TRMO: variants seen among roughly 807,000 people sequenced by gnomAD.
TRMO encodes tRNA (adenine(37)-N6)-methyltransferase.
Under a neutral mutation model 37.2 loss-of-function variants are expected in TRMO, and 30 were observed. The observed-to-expected ratio is 0.81, with a 90% CI of 0.60 to 1.09. The LOEUF (loss-of-function observed/expected upper bound fraction) is 1.09. TRMO is among the 50% of genes least tolerant of loss of function. The pLI is 0.00. For synonymous variants in TRMO, 239 were observed against 199.4 expected (o/e 1.20, Z -1.67); for missense variants, 552 against 549.5 (o/e 1.00, Z -0.05).
chr9:97,906,816 T>G (rs1183451801), intron 4 of TRMO, among the ~76,000 whole-genome samples: 1 of 136,988 alleles, frequency 7.3e-6, no homozygotes, highest in African/African-American at 2.8e-5. Flanking sequence ...CACTCCAGCC[T>G]GGGTGACAGA....
rs186572958 is a variant in TRMO, at chr9:97,916,150, A to G, written c.251+14T>C. Reference sequence around the variant, plus strand: ...CTGGCCCAAAATCCTACATCTAACTATAAAGCAACTTACCAAACATGAGAA... The same window carrying G: ...CTGGCCCAAAATCCTACATCTAACTGTAAAGCAACTTACCAAACATGAGAA... On this transcript the variant is annotated intron_variant, in intron 2 of 4. Coordinates refer to ENST00000375119, the MANE Select transcript of TRMO (RefSeq NM_016481.5). The G allele has an allele frequency of 4.4e-5, 70 of 1,576,476 alleles. No homozygotes were observed. In the East Asian group the frequency reaches 1.6e-3, roughly 36 times the overall value.
chr9:97,901,780 GATAA>G (rs1195104812), downstream of TRMO, among the ~76,000 whole-genome samples: 8 of 151,850 alleles, frequency 5.3e-5, no homozygotes, highest in East Asian at 5.8e-4. Context: ...AGCTTGGATG[GATAA>G]ATAAAGTTTC....
chr9:97,921,287 G>A (rs567155191), intron 1 of TRMO, among the ~76,000 whole-genome samples: 2 of 152,238 alleles, frequency 1.3e-5, no homozygotes, highest in Non-Finnish European at 2.9e-5. Context: ...TGGTTGCAGT[G>A]GCTCATGCCT....
chr9:97,917,242 G>A (rs182436780), intron 1 of TRMO, among the ~76,000 whole-genome samples: 7 of 152,324 alleles, frequency 4.6e-5, no homozygotes, highest in African/African-American at 1.7e-4. Flanking sequence ...GTATACATAA[G>A]TAAGGATATC....
intron 3 of TRMO, chr9:97,912,203 A>T (rs1307337135): frequency 2.0e-5 from 3 of 152,258 alleles, no homozygotes; most frequent in African/African-American, 4.8e-5. Context: ...AGCACTGCAC[A>T]AACACTAGTT....
At chr9:97,900,578 G>C (rs948115033), downstream of TRMO, 1 of 153,696 alleles carries the variant, frequency 6.5e-6, no homozygotes, top group Non-Finnish European at 1.4e-5. Flanking sequence ...CTAAGGCGTA[G>C]AGCCAGGCTG....
intron 3 of TRMO, 188 bp downstream of exon 3, chr9:97,913,213 T>A (rs1338842311): frequency 2.1e-6 from 1 of 473,086 alleles, no homozygotes; most frequent in Non-Finnish European, 3.9e-6. Flanking sequence ...GAGCATCCTA[T>A]GAGTTTATTT....
chr9:97,921,801 T>G (rs1482764315), intron 1 of TRMO, among the ~76,000 whole-genome samples: 1 of 152,196 alleles, frequency 6.6e-6, no homozygotes, highest in Non-Finnish European at 1.5e-5. Flanking sequence ...ACAGGTCGTA[T>G]AGTACCTCAC....
chr9:97,904,774 T>C lies in TRMO; in HGVS notation c.1285A>G (p.Met429Val), dbSNP rs776934076. 2 of 1,614,096 alleles carry C rather than the reference T, an allele frequency of 1.2e-6. No homozygotes were observed. Among genetic ancestry groups the C allele is most frequent in the Non-Finnish European group, 1.7e-6 (2 of 1,180,022 alleles). The change falls in exon 5 of 5, where the codon ATG becomes GTG. Residue 429 changes from methionine to valine, a missense_variant. Met to Val is a conservative substitution (Grantham distance 21). Coordinates refer to ENST00000375119, the MANE Select transcript of TRMO (RefSeq NM_016481.5). Reference sequence around the variant, plus strand: ...ACCAAGGACCCCACAGGGCCAGTCATATGAACAGGCTCAGAAGCCGGCTTG... The same window carrying C: ...ACCAAGGACCCCACAGGGCCAGTCACATGAACAGGCTCAGAAGCCGGCTTG... The part of the protein sequence containing the change: ...RIKPASEPVH[M>V]TGPVGSLVSL...
At chr9:97,898,760 C>G in the TRMO span, among the ~76,000 whole-genome samples, 3 of 151,200 alleles carry the variant, frequency 2.0e-5, no homozygotes, top group African/African-American at 7.3e-5. Context: ...ATGACTTGCC[C>G]CTTCTCCATC....
the TRMO span, among the ~76,000 whole-genome samples, chr9:97,899,015 T>C: frequency 2.0e-5 from 3 of 151,646 alleles, no homozygotes; most frequent in Non-Finnish European, 4.4e-5. Context: ...AATTTTTTTA[T>C]TTTTAGTAGA....
intron 4 of TRMO, among the ~76,000 whole-genome samples, chr9:97,906,240 A>G (rs1426116584): frequency 6.6e-6 from 1 of 152,026 alleles, no homozygotes; most frequent in African/African-American, 2.4e-5. Context: ...AAGGCCACTC[A>G]AAAATGAGGA....
downstream of TRMO, among the ~76,000 whole-genome samples, chr9:97,902,572 G>T (rs936773734): frequency 5.3e-5 from 8 of 152,184 alleles, no homozygotes; most frequent in Admixed American, 2.6e-4. Context: ...AGAGTGCTGG[G>T]ATTACAGGCA....
At chr9:97,899,901 AG>A (rs1159303277), downstream of TRMO, among the ~76,000 whole-genome samples, 1 of 152,118 alleles carries the variant, frequency 6.6e-6, no homozygotes, top group African/African-American at 2.4e-5. Flanking sequence ...TCCAAAAAAA[AG>A]AAAGAAAGAA....
chr9:97,917,008 T>C (rs1826401111), intron 1 of TRMO, among the ~76,000 whole-genome samples: 1 of 151,144 alleles, frequency 6.6e-6, no homozygotes, highest in Non-Finnish European at 1.5e-5. Context: ...ACCATATTGG[T>C]CAGGCTGGTC....
intron 3 of TRMO, chr9:97,910,940 C>A (rs549215639): frequency 1.3e-5 from 7 of 520,298 alleles, no homozygotes; most frequent in Non-Finnish European, 2.6e-5. Flanking sequence ...GCTTTCCCCA[C>A]GGTAGGGTAG....
chr9:97,910,055 A>C lies in TRMO; in HGVS notation c.971T>G (p.Val324Gly). ...AGRADGAPRS[V>G]VPAWVTEAPV... ...AGCCTCTGTCACCCAGGCAGGAACC[A>C]CGCTGCGGGGAGCTCCATCAGCCCT... is the stretch of plus-strand genomic sequence containing the variant. The change falls in exon 4 of 5, where the codon GTG (valine) becomes GGG (glycine). Residue 324 changes from valine (V) to glycine (G), a missense_variant. Val to Gly is a moderately radical substitution (Grantham distance 109, BLOSUM62 -3). Transcript: ENST00000375119. 1 of 1,613,002 alleles carries C rather than the reference A, an allele frequency of 6.2e-7. No homozygotes were observed. Among genetic ancestry groups the C allele is most frequent in the Non-Finnish European group, 8.5e-7 (1 of 1,179,036 alleles).
the TRMO span, among the ~76,000 whole-genome samples, chr9:97,899,279 T>C: frequency 6.6e-6 from 1 of 151,944 alleles, no homozygotes; most frequent in Non-Finnish European, 1.5e-5. Flanking sequence ...TTCACGGTAC[T>C]GCACGTGTAA....
At chr9:97,908,212 A>G (rs951652627) in intron 4 of TRMO, among the ~76,000 whole-genome samples, 1 of 152,124 alleles carries the variant, frequency 6.6e-6, no homozygotes, top group Non-Finnish European at 1.5e-5. Flanking sequence ...GGAGATCGAG[A>G]CCATCCTGCC....
Sources: gnomAD v4.1 joint callset for allele counts (sites outside exome capture counted in the v4.1 genomes callset) on GRCh38, gnomAD v4.1.1 for gene constraint, MANE v1.5 for transcripts, NCBI Gene and HGNC (gene_info 2026-07-23, HGNC 2026-07-21) for gene names.